The following CTNNA2 variants were observed in gnomAD, a reference collection of about 807,000 sequenced individuals.
CTNNA2 encodes the protein catenin alpha 2.
In CTNNA2, 42 loss-of-function variants were observed where a neutral mutation model predicts 101.0. That is an observed-to-expected ratio of 0.42 (90% CI 0.32 to 0.54). CTNNA2 has a LOEUF of 0.54. CTNNA2 is among the 20% of genes least tolerant of loss of function. The pLI is 0.14. For synonymous variants in CTNNA2, 450 were observed against 456.4 expected, an observed-to-expected ratio of 0.99 and a Z score of 0.18; for missense variants, 871 against 1,223.1, an observed-to-expected ratio of 0.71 and a Z score of 4.29.
Position 79,858,183 on chromosome 2 carries a change from CGTAT to C in CTNNA2, c.465+8_465+11del, listed in dbSNP as rs1681291053. The C allele has an allele frequency of 1.9e-6, 3 of 1,608,408 alleles. No individual in the cohort carries two copies. Among genetic ancestry groups the C allele is most frequent in the Non-Finnish European group, 2.6e-6 (3 of 1,175,166 alleles). ...ACTTTTATCCCATCTGAAAATTGTACGTATGTAGAACTTATCAAAACTTTCTTTA... is the reference window on the plus strand; with the variant it reads ...ACTTTTATCCCATCTGAAAATTGTACGTAGAACTTATCAAAACTTTCTTTA... On this transcript the variant is annotated splice_donor_5th_base_variant and intron_variant, in intron 4 of 18. Transcript: ENST00000402739.
intron 3 of CTNNA2, among the ~76,000 whole-genome samples, chr2:79,334,041 T>C (rs537776860): frequency 2.0e-5 from 3 of 152,320 alleles, no homozygotes; most frequent in East Asian, 3.9e-4. Flanking sequence ...ATCATGGTAA[T>C]TGGCATATCT....
intron 2 of CTNNA2, among the ~76,000 whole-genome samples, chr2:79,224,758 C>G (rs921574719): frequency 2.6e-5 from 4 of 151,490 alleles, no homozygotes; most frequent in Non-Finnish European, 5.9e-5. Flanking sequence ...CCACCACCAT[C>G]TCCCAGAGCC....
At position 80,129,478 on chromosome 2, in the gene CTNNA2, T is replaced by G. The variant is rs562206062; in HGVS notation, c.1056+219681T>G. Among the ~76,000 whole-genome samples the G allele has an allele frequency of 3.6e-3, 548 of 152,270 alleles. 4 individuals carry two copies. Among genetic ancestry groups the G allele is most frequent in the African/African-American group, 0.013 (527 of 41,560 alleles). On this transcript the variant is annotated intron_variant, in intron 7 of 18. Coordinates refer to ENST00000402739, the MANE Select transcript of CTNNA2 (RefSeq NM_001282597.3). ...GTTACTGATACCTCCTATCCTGCACTTCTCAGCCCTATGTTGGAATCCCTA... is the reference window on the plus strand; with the variant it reads ...GTTACTGATACCTCCTATCCTGCACGTCTCAGCCCTATGTTGGAATCCCTA...
At chr2:80,646,290 A>G (rs1195341102) in intron 18 of CTNNA2, among the ~76,000 whole-genome samples, 2 of 152,276 alleles carry the variant, frequency 1.3e-5, no homozygotes, top group East Asian at 3.9e-4. Context: ...CCAACTAGGA[A>G]CAGCATACTT....
At chr2:79,913,492 G>C (rs1242528486) in intron 7 of CTNNA2, among the ~76,000 whole-genome samples, 2 of 152,108 alleles carry the variant, frequency 1.3e-5, no homozygotes, top group Admixed American at 1.3e-4. Flanking sequence ...CATTCTAATG[G>C]AATGAGAGGC....
chr2:80,640,431 A>AAT lies in CTNNA2; in HGVS notation c.2575-7153_2575-7152dup, dbSNP rs1304764249. On this transcript the variant is annotated intron_variant, in intron 18 of 18. Transcript: ENST00000402739. Reference sequence around the variant, plus strand: ...AGAAATGAGAGCTTGCTATCAAGGAAATGTCTTTCTGTGAACATATAAACA... The same window carrying AAT: ...AGAAATGAGAGCTTGCTATCAAGGAAATATGTCTTTCTGTGAACATATAAACA... Among the ~76,000 whole-genome samples, 4 of 152,300 alleles carry AAT rather than the reference A, an allele frequency of 2.6e-5. No homozygotes were observed. The East Asian group carries it at 7.7e-4, about 29-fold the overall frequency.
At chr2:79,536,048 A>G (rs1673035683) in intron 1 of CTNNA2, among the ~76,000 whole-genome samples, 1 of 152,236 alleles carries the variant, frequency 6.6e-6, no homozygotes, top group African/African-American at 2.4e-5. Context: ...ACGTAGACAG[A>G]TAATTTTCAG....
At chr2:79,428,869 G>C (rs1484311604) in intron 4 of CTNNA2, among the ~76,000 whole-genome samples, 1 of 152,118 alleles carries the variant, frequency 6.6e-6, no homozygotes, top group Non-Finnish European at 1.5e-5. Flanking sequence ...AAGCCTGCTA[G>C]TTATTTGAGT....
chr2:80,413,422 G>A (rs907271092), intron 8 of CTNNA2, among the ~76,000 whole-genome samples: 11 of 152,144 alleles, frequency 7.2e-5, no homozygotes, highest in Admixed American at 6.5e-4. Context: ...ACTAAATAAA[G>A]CAAGAACCAT....
At chr2:80,253,885 G>A (rs1217528806) in intron 7 of CTNNA2, among the ~76,000 whole-genome samples, 1 of 152,144 alleles carries the variant, frequency 6.6e-6, no homozygotes, top group African/African-American at 2.4e-5. Flanking sequence ...GTTGGGGGTT[G>A]AAGTTTATCA....
intron 7 of CTNNA2, among the ~76,000 whole-genome samples, chr2:80,339,111 C>A (rs1672002240): frequency 1.3e-5 from 2 of 152,120 alleles, no homozygotes; most frequent in Non-Finnish European, 2.9e-5. Flanking sequence ...AGTGCTGAGG[C>A]TGACATATGG....
intron 7 of CTNNA2, among the ~76,000 whole-genome samples, chr2:80,030,264 A>G (rs1695204837): frequency 6.6e-6 from 1 of 152,010 alleles, no homozygotes; most frequent in Non-Finnish European, 1.5e-5. Context: ...AAAGAAAAAA[A>G]CTGCTAAGTG....
upstream of CTNNA2, among the ~76,000 whole-genome samples, chr2:79,508,610 C>A (rs1464322459): frequency 6.6e-6 from 1 of 152,022 alleles, no homozygotes; most frequent in Non-Finnish European, 1.5e-5. Context: ...TATTTTACTG[C>A]TTGATTAATT....
At chr2:79,835,666 G>GTTTTTTGTTTTTTGTTTTTTTTT (rs1679276639) in intron 3 of CTNNA2, among the ~76,000 whole-genome samples, 5 of 58,618 alleles carry the variant, frequency 8.5e-5, no homozygotes, top group African/African-American at 3.7e-4. Context: ...GCCTCTCTTT[G>GTTTTTTGTTTTTTGTTTTTTTTT]TTTTTTTTTT....
intron 7 of CTNNA2, among the ~76,000 whole-genome samples, chr2:79,919,848 C>A (rs879388930): frequency 1.3e-5 from 2 of 152,232 alleles, no homozygotes; most frequent in South Asian, 2.1e-4. Flanking sequence ...TGATTCAGTT[C>A]GAAAATTGTT....
intron 4 of CTNNA2, among the ~76,000 whole-genome samples, chr2:79,409,536 G>A (rs1678382961): frequency 6.6e-6 from 1 of 151,232 alleles, no homozygotes; most frequent in African/African-American, 2.4e-5. Flanking sequence ...AGTTTTCCCA[G>A]CACCATTTAT....
At chr2:80,578,838 C>A (rs746396578) in intron 13 of CTNNA2, 2 of 152,114 alleles carry the variant, frequency 1.3e-5, no homozygotes, top group Non-Finnish European at 2.9e-5. Flanking sequence ...GGATCAAATT[C>A]TTTAGCTGAA....
At chr2:80,265,673 T>C (rs1311074947) in intron 7 of CTNNA2, among the ~76,000 whole-genome samples, 1 of 152,240 alleles carries the variant, frequency 6.6e-6, no homozygotes, top group South Asian at 2.1e-4. Flanking sequence ...TGTGTTGACA[T>C]GTAACTTCTG....
intron 7 of CTNNA2, among the ~76,000 whole-genome samples, chr2:80,207,196 A>G (rs1330269099): frequency 1.3e-5 from 2 of 152,212 alleles, no homozygotes; most frequent in African/African-American, 4.8e-5. Context: ...AAATCTGGTC[A>G]TTTATTCTTT....
Sources: allele counts gnomAD v4.1 joint callset (sites outside exome capture counted in the v4.1 genomes callset), GRCh38; gene constraint gnomAD v4.1.1; transcripts MANE v1.5; gene names NCBI Gene and HGNC (gene_info 2026-07-23, HGNC 2026-07-21).